SYNPR: variants seen among roughly 807,000 people sequenced by gnomAD.
The protein encoded by SYNPR is synaptoporin.
In SYNPR, 23 loss-of-function variants were observed where a neutral mutation model predicts 32.9. That is an observed-to-expected ratio of 0.70 (90% CI 0.50 to 0.99). The LOEUF (loss-of-function observed/expected upper bound fraction) is 0.99. Among genes scored for constraint, SYNPR ranks in the 50% least tolerant of loss-of-function variants. The pLI is 0.00. For missense variants in SYNPR, 318 were observed against 349.3 expected (o/e 0.91, Z 0.71); for synonymous variants, 146 against 135.9 (o/e 1.07, Z -0.52).
At chr3:63,394,701 T>C (rs1426741756) in intron 2 of SYNPR, among the ~76,000 whole-genome samples, 1 of 152,182 alleles carries the variant, frequency 6.6e-6, no homozygotes, top group Non-Finnish European at 1.5e-5. Flanking sequence ...TGCCAAGATA[T>C]AACCATACAA....
chr3:63,239,421 T>C (rs1420534744), intron 1 of SYNPR, among the ~76,000 whole-genome samples: 1 of 149,854 alleles, frequency 6.7e-6, no homozygotes, highest in Non-Finnish European at 1.5e-5. Flanking sequence ...AATCCTACCA[T>C]TGCCCAGTGT....
chr3:63,360,500 G>T (rs2087642400), intron 2 of SYNPR, among the ~76,000 whole-genome samples: 1 of 152,094 alleles, frequency 6.6e-6, no homozygotes, highest in South Asian at 2.1e-4. Flanking sequence ...TCCCTCTAAT[G>T]ACTTTCTATT....
intron 4 of SYNPR, among the ~76,000 whole-genome samples, chr3:63,565,635 A>T (rs941392719): frequency 6.6e-6 from 1 of 152,154 alleles, no homozygotes; most frequent in African/African-American, 2.4e-5. Context: ...GGACAAATTC[A>T]AATCCTAGCA....
At position 63,486,372 on chromosome 3, in the gene SYNPR, A is replaced by C. The variant is rs538091834; in HGVS notation, c.209+5416A>C. 7.2e-5 allele frequency among the ~76,000 whole-genome samples: 11 copies of C among 152,316 alleles called. No individual in the cohort carries two copies. In the South Asian group the frequency reaches 2.1e-3, roughly 29 times the overall value. On this transcript the variant is annotated intron_variant, in intron 3 of 5. Coordinates refer to ENST00000478300, the MANE Select transcript of SYNPR (RefSeq NM_001130003.2). ...GACAATCCCAACTTTCTCACCCCTC[A>C]TGTGGCATAACACTAAGTCATGTAT... is the stretch of plus-strand genomic sequence containing the variant.
At chr3:63,458,495 A>G (rs1306279864) in intron 2 of SYNPR, among the ~76,000 whole-genome samples, 1 of 152,140 alleles carries the variant, frequency 6.6e-6, no homozygotes, top group African/African-American at 2.4e-5. Flanking sequence ...CCTGTCATCA[A>G]GTGAACTAGC....
At chr3:63,430,035 T>C (rs1379701348) in intron 2 of SYNPR, among the ~76,000 whole-genome samples, 1 of 152,240 alleles carries the variant, frequency 6.6e-6, no homozygotes, top group African/African-American at 2.4e-5. Context: ...TGGTGACATA[T>C]CCTTCGTCTG....
At chr3:63,222,760 A>G in the SYNPR span, among the ~76,000 whole-genome samples, 1 of 152,110 alleles carries the variant, frequency 6.6e-6, no homozygotes, top group Non-Finnish European at 1.5e-5. Context: ...CAGTTGATCC[A>G]CCTGCCTTGG....
chr3:63,258,425 A>G (rs2086407312), intron 2 of SYNPR, among the ~76,000 whole-genome samples: 1 of 152,172 alleles, frequency 6.6e-6, no homozygotes. Context: ...ACTCACTCAA[A>G]ACCACTCAAC....
At chr3:63,354,762 G>A (rs1255163359) in intron 2 of SYNPR, among the ~76,000 whole-genome samples, 2 of 152,188 alleles carry the variant, frequency 1.3e-5, no homozygotes, top group African/African-American at 4.8e-5. Context: ...TCTTCTGAGT[G>A]TAGAAAATAC....
chr3:63,452,891 G>A (rs1015699790), intron 2 of SYNPR, among the ~76,000 whole-genome samples: 1 of 152,106 alleles, frequency 6.6e-6, no homozygotes, highest in Non-Finnish European at 1.5e-5. Context: ...CTTTTTATGT[G>A]TATCTCAATT....
At position 63,499,905 on chromosome 3, in the gene SYNPR, T is replaced by TCACA. The variant is rs60572999; in HGVS notation, c.209+18962_209+18965dup. 1.8e-3 allele frequency among the ~76,000 whole-genome samples: 271 copies of TCACA among 150,918 alleles called. 1 individual carries two copies. The highest frequency in any genetic ancestry group is 4.4e-3 in the African/African-American group (179 of 41,034). ...CAGTTCAGTGAAGAAGAAAAGATAATCACACACACACACACAAAAACTGTT... is the reference window on the plus strand; with the variant it reads ...CAGTTCAGTGAAGAAGAAAAGATAATCACACACACACACACACACAAAAACTGTT... On this transcript the variant is annotated intron_variant, in intron 3 of 5. Transcript: ENST00000478300.
At chr3:63,490,095 C>T (rs1044655133) in intron 3 of SYNPR, among the ~76,000 whole-genome samples, 4 of 152,050 alleles carry the variant, frequency 2.6e-5, no homozygotes, top group Admixed American at 2.6e-4. Context: ...GAAAACCTTG[C>T]TGGTGAAATG....
chr3:63,557,207 G>A (rs147487925), intron 4 of SYNPR, among the ~76,000 whole-genome samples: 90 of 152,168 alleles, frequency 5.9e-4, no homozygotes, highest in African/African-American at 2.0e-3. Flanking sequence ...ACTCATATGA[G>A]TGAAATCAAT....
intron 3 of SYNPR, among the ~76,000 whole-genome samples, chr3:63,482,767 T>C (rs1701072402): frequency 6.6e-6 from 1 of 152,182 alleles, no homozygotes; most frequent in Non-Finnish European, 1.5e-5. Context: ...TTACTAGGGT[T>C]GCAATTTCAA....
At chr3:63,537,189 T>C (rs1442576189) in intron 3 of SYNPR, among the ~76,000 whole-genome samples, 1 of 152,082 alleles carries the variant, frequency 6.6e-6, no homozygotes, top group Non-Finnish European at 1.5e-5. Context: ...TCTGAGATGG[T>C]AAACTTGCAA....
intron 3 of SYNPR, among the ~76,000 whole-genome samples, chr3:63,535,656 G>T (rs1702190854): frequency 6.7e-6 from 1 of 150,268 alleles, no homozygotes. Context: ...TTTTTGATAA[G>T]AGTACAAGGC....
chr3:63,257,773 T>C (rs1272483643), intron 2 of SYNPR, among the ~76,000 whole-genome samples: 46 of 152,062 alleles, frequency 3.0e-4, no homozygotes, highest in South Asian at 8.3e-4. Context: ...CACAGACTGG[T>C]AAATTGGATA....
At chr3:63,523,612 G>A (rs1472255977) in intron 3 of SYNPR, among the ~76,000 whole-genome samples, 1 of 152,136 alleles carries the variant, frequency 6.6e-6, no homozygotes, top group Non-Finnish European at 1.5e-5. Context: ...GCCTTCCTAG[G>A]GAGCACTGTG....
In SYNPR at chr3:63,616,222, G is replaced by A. The variant is rs1314508655; in HGVS notation, c.*741G>A. 6.6e-6 allele frequency: 1 copy of A among 152,152 alleles called. No individual in the cohort carries two copies. The highest frequency in any genetic ancestry group is 1.9e-4 in the East Asian group (1 of 5,204). 9.4% of individuals were successfully genotyped at this position (152,152 alleles called of 1,614,324 possible). ...TTTCCCCCATTAGTAAACATTTAGT[G>A]CTACATATGATAACTGCCCAATATT... On this transcript the variant is annotated 3_prime_UTR_variant, in exon 6 of 6. Transcript: ENST00000478300.
Sources: gnomAD v4.1 joint callset for allele counts (sites outside exome capture counted in the v4.1 genomes callset) on GRCh38, gnomAD v4.1.1 for gene constraint, MANE v1.5 for transcripts, NCBI Gene and HGNC (gene_info 2026-07-23, HGNC 2026-07-21) for gene names.